Variants in RBM26 observed in about 807,000 individuals in gnomAD.
RBM26 encodes RNA-binding protein 26.
In RBM26, 30 loss-of-function variants were observed where a neutral mutation model predicts 123.6. The ratio of observed to expected loss-of-function variants is 0.24; its 90% CI spans 0.18 to 0.33. The LOEUF (loss-of-function observed/expected upper bound fraction) is 0.33, where lower values mean the gene tolerates loss of function less well. Ranked by LOEUF, RBM26 falls within the 10% of genes least tolerant of loss-of-function variation. The pLI is 1.00. For missense variants in RBM26, 947 were observed against 1,203.6 expected (o/e 0.79, Z 3.15); for synonymous variants, 400 against 404.4 (o/e 0.99, Z 0.13).
chr13:79,346,252 T>C (rs1319517898), intron 14 of RBM26, among the ~76,000 whole-genome samples: 2 of 152,172 alleles, frequency 1.3e-5, no homozygotes, highest in African/African-American at 4.8e-5. Flanking sequence ...ATTCTAAGTA[T>C]TCAAGAAAGT....
At chr13:79,380,714 C>A (rs2140257722) in intron 1 of RBM26, among the ~76,000 whole-genome samples, 1 of 152,116 alleles carries the variant, frequency 6.6e-6, no homozygotes, top group South Asian at 2.1e-4. Flanking sequence ...TTAAACAACA[C>A]TAGAACTTAC....
chr13:79,322,443 C>G lies in RBM26; in HGVS notation c.2840G>C (p.Arg947Pro). Reference sequence around the variant, plus strand: ...CAGTTTTAGATCTTGCCCTTTGAAACGAGCTCCATGAACTGCAGCCTAAAA... The same window carrying G: ...CAGTTTTAGATCTTGCCCTTTGAAAGGAGCTCCATGAACTGCAGCCTAAAA... ...EAEAAAVHGA[R>P]FKGQDLKLAW... Residue 947 changes from arginine (R) to proline (P), a missense_variant, in exon 21 of 22, where the codon CGT becomes CCT. Coordinates refer to ENST00000438737, the MANE Select transcript of RBM26 (RefSeq NM_001366735.2). 6.4e-7 allele frequency: 1 copy of G among 1,568,372 alleles called. No individual in the cohort carries two copies. The highest frequency in any genetic ancestry group is 8.6e-7 in the Non-Finnish European group (1 of 1,162,726).
Position 79,355,262 on chromosome 13 carries a change from G to A in RBM26, c.1812C>T (p.His604=), listed in dbSNP as rs1456795618. The A allele has an allele frequency of 1.2e-6, 2 of 1,613,974 alleles. No homozygotes were observed. The highest frequency in any genetic ancestry group is 1.7e-6 in the Non-Finnish European group (2 of 1,179,874). Residue 604 remains histidine (H), a synonymous_variant, in exon 12 of 22, where the codon CAC becomes CAT. Coordinates refer to ENST00000438737, the MANE Select transcript of RBM26 (RefSeq NM_001366735.2). ...GTAACTGTTGGGTGCTTCCTTCTCT[G>A]TGCCAATAAACCTTAATAAAGCGAT... ...LNNRFIKVYW[H]REGSTQQLQT...
intron 14 of RBM26, among the ~76,000 whole-genome samples, chr13:79,352,598 T>C (rs181784437): frequency 2.2e-4 from 34 of 152,276 alleles, no homozygotes; most frequent in African/African-American, 8.2e-4. Flanking sequence ...CCTCTATTAC[T>C]GTTTAGTAAT....
At chr13:79,391,713 C>T (rs2078010051) in intron 1 of RBM26, among the ~76,000 whole-genome samples, 1 of 151,972 alleles carries the variant, frequency 6.6e-6, no homozygotes, top group Non-Finnish European at 1.5e-5. Flanking sequence ...CGTGAGCCAC[C>T]GCACCCAGCC....
At chr13:79,313,665 C>G (rs551558042) in exon 5 of RBM26, 152 of 151,860 alleles carry the variant, frequency 1.0e-3, no homozygotes, top group African/African-American at 3.3e-3. Context: ...GCCTTGTAAA[C>G]TACTAGGTCT....
At chr13:79,366,945 G>A (rs2139895725) in intron 6 of RBM26, 73 bp from the exon 7 acceptor site, 1 of 1,263,232 alleles carries the variant, frequency 7.9e-7, no homozygotes, top group East Asian at 2.6e-5. Flanking sequence ...GTTAGCAAAA[G>A]TAAAATATTT....
chr13:79,315,718 C>T (rs1201664007), downstream of RBM26, among the ~76,000 whole-genome samples: 1 of 151,918 alleles, frequency 6.6e-6, no homozygotes, highest in East Asian at 1.9e-4. Flanking sequence ...GGATAAACTG[C>T]AAGAAAGTTA....
Position 79,365,603 on chromosome 13 carries a change from T to C in RBM26, c.1392A>G (p.Ser464=), listed in dbSNP as rs769032385. The change falls in exon 9 of 22, where the codon TCA becomes TCG. Residue 464 remains serine (S), a synonymous_variant. Coordinates refer to ENST00000438737, the MANE Select transcript of RBM26 (RefSeq NM_001366735.2). Reference sequence around the variant, plus strand: ...CTCTGGGTGGCAAATCCATATCCCCTGATGTTAGTCCTATCAAGTTGGGCC... The same window carrying C: ...CTCTGGGTGGCAAATCCATATCCCCCGATGTTAGTCCTATCAAGTTGGGCC... The part of the protein sequence containing the change: ...AQRPNLIGLT[S]GDMDLPPREK... 13 of 1,613,496 alleles carry C rather than the reference T, an allele frequency of 8.1e-6. No homozygotes were observed. The highest frequency in any genetic ancestry group is 1.3e-5 in the African/African-American group (1 of 74,920).
chr13:79,315,977 A>G (rs1190517193), downstream of RBM26, among the ~76,000 whole-genome samples: 1 of 151,878 alleles, frequency 6.6e-6, no homozygotes, highest in Non-Finnish European at 1.5e-5. Flanking sequence ...GGAACAAGGT[A>G]GTTCCTGAGA....
At position 79,355,223 on chromosome 13, in the gene RBM26, T is replaced by C; in HGVS notation, c.1851A>G (p.Pro617=). The C allele has an allele frequency of 3.7e-6, 6 of 1,613,542 alleles. No homozygotes were observed. The highest frequency in any genetic ancestry group is 5.1e-6 in the Non-Finnish European group (6 of 1,179,602). ...GSTQQLQTTS[P]KVMQPLVQQP... is the part of the protein sequence containing the mutation. ...TTTACACAAATTCCTCTCTTACCTT[T>C]GGAGAAGTAGTTTGTAACTGTTGGG... is the stretch of plus-strand genomic sequence containing the variant. Residue 617 remains proline, a synonymous_variant, in exon 12 of 22, where the codon CCA becomes CCG. Coordinates refer to ENST00000438737, the MANE Select transcript of RBM26 (RefSeq NM_001366735.2).
chr13:79,333,867 G>T (rs978425945), intron 20 of RBM26, among the ~76,000 whole-genome samples: 2 of 152,114 alleles, frequency 1.3e-5, no homozygotes, highest in Non-Finnish European at 2.9e-5. Flanking sequence ...AGTCTAGTTG[G>T]GGCTATGCTG....
chr13:79,401,972 A>G (rs1427407793), intron 1 of RBM26, among the ~76,000 whole-genome samples: 1 of 151,490 alleles, frequency 6.6e-6, no homozygotes, highest in Non-Finnish European at 1.5e-5. Flanking sequence ...CTGCCCCTCA[A>G]TTTTATTTTC....
intron 20 of RBM26, among the ~76,000 whole-genome samples, chr13:79,329,731 T>A (rs902935089): frequency 6.6e-6 from 1 of 152,166 alleles, no homozygotes; most frequent in African/African-American, 2.4e-5. Flanking sequence ...TATCAAAATA[T>A]GAACCTTATC....
intron 20 of RBM26, among the ~76,000 whole-genome samples, chr13:79,332,167 T>C (rs568189635): frequency 6.6e-6 from 1 of 152,330 alleles, no homozygotes; most frequent in Admixed American, 6.5e-5. Flanking sequence ...AATGTAATGT[T>C]TGACAGTAAA....
At chr13:79,330,948 A>ACT (rs1266979357) in intron 20 of RBM26, among the ~76,000 whole-genome samples, 1 of 151,762 alleles carries the variant, frequency 6.6e-6, no homozygotes, top group Non-Finnish European at 1.5e-5. Context: ...ACACACACAC[A>ACT]CTCTGCTATG....
chr13:79,312,430 T>C (rs1296917648), exon 5 of RBM26: 1 of 151,892 alleles, frequency 6.6e-6, no homozygotes, highest in Non-Finnish European at 1.5e-5. Context: ...AACAAAAAAA[T>C]CGACACATCA....
At chr13:79,358,102 C>T (rs909996432) in intron 11 of RBM26, among the ~76,000 whole-genome samples, 172 bp downstream of exon 11, 2 of 152,098 alleles carry the variant, frequency 1.3e-5, no homozygotes, top group East Asian at 1.9e-4. Context: ...AGGCTAGTCT[C>T]GAATTCCTCA....
chr13:79,315,174 A>T (rs552978171), downstream of RBM26, among the ~76,000 whole-genome samples: 39 of 151,858 alleles, frequency 2.6e-4, no homozygotes, highest in Middle Eastern at 3.4e-3. Context: ...GATTTTACCA[A>T]AACCTCTCTG....
Sources: allele counts gnomAD v4.1 joint callset (sites outside exome capture counted in the v4.1 genomes callset), GRCh38; gene constraint gnomAD v4.1.1; transcripts MANE v1.5; gene names NCBI Gene and HGNC (gene_info 2026-07-23, HGNC 2026-07-21).